The following SLC5A10 variants were observed in gnomAD, a reference collection of about 807,000 sequenced individuals.
SLC5A10 encodes solute carrier family 5 member 10.
A neutral mutation model predicts 68.9 loss-of-function variants in SLC5A10; 55 were observed. The observed-to-expected ratio is 0.80, with a 90% CI of 0.64 to 1.00. SLC5A10 has a LOEUF of 1.00. Among genes scored for constraint, SLC5A10 ranks in the 50% least tolerant of loss-of-function variants. SLC5A10 has a pLI of 0.00. For missense variants in SLC5A10, 732 were observed against 819.3 expected, an observed-to-expected ratio of 0.89 and a Z score of 1.30; for synonymous variants, 344 against 344.8, an observed-to-expected ratio of 1.00 and a Z score of 0.02.
At chr17:19,012,309 C>T (rs2044031518) in intron 9 of SLC5A10, among the ~76,000 whole-genome samples, 2 of 152,234 alleles carry the variant, frequency 1.3e-5, no homozygotes, top group Admixed American at 6.5e-5. Flanking sequence ...GGTTCTGCCC[C>T]CACACAGGGC....
intron 8 of SLC5A10, among the ~76,000 whole-genome samples, chr17:18,972,867 TAAAAA>T (rs35947526): frequency 1.5e-5 from 2 of 137,814 alleles, no homozygotes; most frequent in South Asian, 2.3e-4. Context: ...AGACTCCGTC[TAAAAA>T]AAAAAAAAAA....
In SLC5A10 at chr17:19,015,131, C is replaced by T. The variant is rs1567814344; in HGVS notation, c.1173C>T (p.Leu391=). ...LTSIFNSSST[L]FTMDIWRRLR... is the part of the protein sequence containing the mutation. ...CCATCTTCAACAGCAGCAGCACCCT[C>T]TTCACTATGGACATCTGGAGGCGGC... The change falls in exon 11 of 15, where the codon CTC becomes CTT. Residue 391 remains leucine (L), a synonymous_variant. Transcript: ENST00000395645. The T allele has an allele frequency of 1.3e-6, 2 of 1,538,954 alleles. No homozygotes were observed. Among genetic ancestry groups the T allele is most frequent in the East Asian group, 2.3e-5 (1 of 44,408 alleles).
At chr17:18,960,525 C>A in intron 4 of SLC5A10, 23 bp from the exon 5 acceptor site, 1 of 1,606,054 alleles carries the variant, frequency 6.2e-7, no homozygotes, top group Non-Finnish European at 8.5e-7. Flanking sequence ...GGATGCTTAG[C>A]CCCTACCCAT....
chr17:18,999,806 T>A (rs2152140122), intron 9 of SLC5A10, among the ~76,000 whole-genome samples: 1 of 152,332 alleles, frequency 6.6e-6, no homozygotes, highest in South Asian at 2.1e-4. Flanking sequence ...AGATCAGTGT[T>A]CTGGCCCTGG....
chr17:18,999,931 C>T (rs2043685498), intron 9 of SLC5A10, among the ~76,000 whole-genome samples: 1 of 152,232 alleles, frequency 6.6e-6, no homozygotes, highest in South Asian at 2.1e-4. Context: ...TAAGGCCCCC[C>T]TGCTGTGTCC....
chr17:19,016,873 C>T (rs1597916096), intron 11 of SLC5A10, among the ~76,000 whole-genome samples: 3 of 152,314 alleles, frequency 2.0e-5, no homozygotes, highest in Admixed American at 1.3e-4. Flanking sequence ...CATGCTCCAG[C>T]ATCCTGGGCC....
Position 19,019,763 on chromosome 17 carries a change from G to GTTCCT in SLC5A10, c.1461_1462insTTCCT (p.Val488PhefsTer7). ...GGCTGGTGGTGGGGGCCACGAGGCT[G>GTTCCT]GTCCTGGAATTCCTGAACCCAGCCC... On this transcript the variant is annotated frameshift_variant, in exon 13 of 15. Transcript: ENST00000395645. LOFTEE classifies it high-confidence loss of function. 6.2e-7 allele frequency: 1 copy of GTTCCT among 1,612,912 alleles called. No individual in the cohort carries two copies. The highest frequency in any genetic ancestry group is 8.5e-7 in the Non-Finnish European group (1 of 1,179,794).
Position 18,959,332 on chromosome 17 carries a change from A to G in SLC5A10, c.288+93A>G. On this transcript the variant is annotated intron_variant, in intron 3 of 14. Transcript: ENST00000395645. ...GGGACAGCTCCCAGTGGCTGGTGTC[A>G]GCCGATGTCCAGGTGGGCTCTGTGC... 3.7e-6 allele frequency: 5 copies of G among 1,342,100 alleles called. No individual in the cohort carries two copies. In the South Asian group the frequency reaches 6.1e-5, roughly 16 times the overall value. 83.1% of individuals were successfully genotyped at this position (1,342,100 alleles called of 1,614,324 possible). A position where few individuals can be genotyped will look rare whatever the true frequency, so the allele number is the denominator to read the frequency against.
At chr17:18,955,917 G>T (rs898826864) in intron 1 of SLC5A10, among the ~76,000 whole-genome samples, 3 of 152,096 alleles carry the variant, frequency 2.0e-5, no homozygotes, top group African/African-American at 7.2e-5. Flanking sequence ...TAAATAGGCC[G>T]GGCGCGGTGG....
intron 9 of SLC5A10, among the ~76,000 whole-genome samples, chr17:18,988,713 C>A (rs1323923620): frequency 6.6e-6 from 1 of 152,248 alleles, no homozygotes; most frequent in African/African-American, 2.4e-5. Context: ...CTGAGATGAA[C>A]CTGATGTGTC....
At chr17:18,956,196 AAAAT>A (rs71155382) in intron 1 of SLC5A10, among the ~76,000 whole-genome samples, 78,081 of 143,430 alleles carry the variant, frequency 0.54, 22,205 homozygotes, top group South Asian at 0.7. Context: ...CTCTGTCTCA[AAAAT>A]AAATAAATAA....
rs147758737 is a variant in SLC5A10, at chr17:19,019,130, G to A, written c.1242-293G>A. On this transcript the variant is annotated intron_variant, in intron 11 of 14. Coordinates refer to ENST00000395645, the MANE Select transcript of SLC5A10 (RefSeq NM_001042450.4). Reference sequence around the variant, plus strand: ...GGTGCTTTGAAGGAGAGACAAGAGGGAGCTCCATGGCGGAGCTCCAAGGGC... The same window carrying A: ...GGTGCTTTGAAGGAGAGACAAGAGGAAGCTCCATGGCGGAGCTCCAAGGGC... 1.0e-3 allele frequency: 399 copies of A among 395,802 alleles called. 1 individual carries two copies. The highest frequency in any genetic ancestry group is 7.8e-3 in the African/African-American group (380 of 48,726). 24.5% of individuals were successfully genotyped at this position (395,802 alleles called of 1,614,324 possible).
chr17:19,021,874 T>C lies in SLC5A10; in HGVS notation c.*1443T>C. ...GGCCGTCCACTGAGCCCCGTGTGAC[T>C]CTGACAGAGCTGGGGGTGTCCATGT... On this transcript the variant is annotated 3_prime_UTR_variant, in exon 15 of 15. Coordinates refer to ENST00000395645, the MANE Select transcript of SLC5A10 (RefSeq NM_001042450.4). This position sits in a 1 kb window ranked among gnomAD's most constrained non-coding sequence, Gnocchi z 4.1. The C allele has an allele frequency of 7.4e-7, 1 of 1,357,054 alleles. No homozygotes were observed. Among genetic ancestry groups the C allele is most frequent in the Non-Finnish European group, 9.6e-7 (1 of 1,040,584 alleles). 84.1% of individuals were successfully genotyped at this position (1,357,054 alleles called of 1,614,324 possible). A position where few individuals can be genotyped will look rare whatever the true frequency, so the allele number is the denominator to read the frequency against.
At chr17:18,988,265 C>G (rs1316240060) in intron 9 of SLC5A10, 1 of 1,610,048 alleles carries the variant, frequency 6.2e-7, no homozygotes, top group African/African-American at 1.3e-5. Context: ...GCCCCAGGTG[C>G]ATGCAGGCCC....
chr17:19,008,840 T>G (rs1476623046), intron 9 of SLC5A10, among the ~76,000 whole-genome samples: 2 of 147,360 alleles, frequency 1.4e-5, no homozygotes, highest in Non-Finnish European at 3.0e-5. Context: ...TGAGATAGCG[T>G]CTTGCTGTGT....
intron 9 of SLC5A10, among the ~76,000 whole-genome samples, chr17:18,982,250 T>C (rs1027468647): frequency 6.6e-6 from 1 of 152,112 alleles, no homozygotes; most frequent in Non-Finnish European, 1.5e-5. Context: ...AGGCCTGTTC[T>C]ACCTGGGGCT....
At position 18,971,318 on chromosome 17, in the gene SLC5A10, CTGGG is replaced by C. The variant is rs769719488; in HGVS notation, c.846+101_846+104del. ...CTGCCCTCCGCGTCATGAGTCTGGG[CTGGG>C]GCCTCAGAAGGTGTGGCTCCAGGCT... is the stretch of plus-strand genomic sequence containing the variant. On this transcript the variant is annotated intron_variant, in intron 8 of 14. Transcript: ENST00000395645. The surrounding 1 kb of genome is among the most constrained non-coding windows in gnomAD (Gnocchi z 5.5). The C allele has an allele frequency of 3.1e-6, 5 of 1,606,932 alleles. No individual in the cohort carries two copies. The African/African-American group carries it at 4.0e-5, about 13-fold the overall frequency.
At chr17:18,969,279 C>A (rs1272155340) in intron 6 of SLC5A10, 63 bp from the exon 7 acceptor site, 2 of 1,586,190 alleles carry the variant, frequency 1.3e-6, no homozygotes, top group African/African-American at 2.7e-5. Context: ...CCCAGAAGTT[C>A]CTCCCCGTGT....
chr17:18,986,241 T>C (rs2043265605), intron 9 of SLC5A10: 1 of 152,234 alleles, frequency 6.6e-6, no homozygotes, highest in African/African-American at 2.4e-5. Flanking sequence ...GAGTAGTTGG[T>C]GTGAATGAGT....
Sources: allele counts gnomAD v4.1 joint callset (sites outside exome capture counted in the v4.1 genomes callset), GRCh38; gene constraint gnomAD v4.1.1; non-coding constraint Gnocchi (gnomAD v3.1); transcripts MANE v1.5; gene names NCBI Gene and HGNC (gene_info 2026-07-23, HGNC 2026-07-21).